THSD7B: variants seen among roughly 807,000 people sequenced by gnomAD.
THSD7B encodes thrombospondin type 1 domain containing 7B, also known as thrombospondin type-1 domain-containing protein 7B.
A neutral mutation model predicts 213.6 loss-of-function variants in THSD7B; 138 were observed. The ratio of observed to expected loss-of-function variants is 0.65; its 90% CI spans 0.56 to 0.74. THSD7B has a LOEUF of 0.74. THSD7B is among the 30% of genes least tolerant of loss of function. The pLI is 0.00. For synonymous variants in THSD7B, 742 were observed against 687.0 expected (o/e 1.08, Z -1.25); for missense variants, 1,931 against 1,991.5 (o/e 0.97, Z 0.58).
At chr2:137,431,376 G>C (rs917632368) in intron 14 of THSD7B, among the ~76,000 whole-genome samples, 1 of 152,192 alleles carries the variant, frequency 6.6e-6, no homozygotes, top group Admixed American at 6.5e-5. Flanking sequence ...TATAGTGGCT[G>C]CCCTTAAAGA....
In THSD7B at chr2:137,085,525, T is replaced by C. The variant is rs4014648; in HGVS notation, c.951-9348T>C. Among the ~76,000 whole-genome samples, 137 of 152,054 alleles carry C rather than the reference T, an allele frequency of 9.0e-4. 2 individuals are homozygous for C. In the East Asian group the frequency reaches 0.023, roughly 26 times the overall value. ...TAAGAAATGAACATTAAAAATCTAA[T>C]TGCAAAATAAGTTAAAAATTAATAA... is the stretch of plus-strand genomic sequence containing the variant. On this transcript the variant is annotated intron_variant, in intron 3 of 27. Coordinates refer to ENST00000409968, the MANE Select transcript of THSD7B (RefSeq NM_001316349.2).
rs571295478 is a variant in THSD7B, at chr2:137,378,311, G to A, written c.2501-27302G>A. On this transcript the variant is annotated intron_variant, in intron 12 of 27. Transcript: ENST00000409968. ...TTTGTAGAAGGAAAGACTTAAAGAG[G>A]CAATCTAAAAGGAAGGAGTGGCTAA... Among the ~76,000 whole-genome samples, 43 of 152,254 alleles carry A rather than the reference G, an allele frequency of 2.8e-4. No individual in the cohort carries two copies. In the East Asian group the frequency reaches 8.3e-3, roughly 29 times the overall value.
At chr2:136,852,549 CA>C (rs1248245563) in intron 1 of THSD7B, among the ~76,000 whole-genome samples, 2 of 152,124 alleles carry the variant, frequency 1.3e-5, no homozygotes, top group Non-Finnish European at 1.5e-5. Context: ...ACTTGACCTA[CA>C]AAAATTGTTA....
At chr2:137,462,391 A>G (rs971066764) in intron 15 of THSD7B, among the ~76,000 whole-genome samples, 1 of 152,074 alleles carries the variant, frequency 6.6e-6, no homozygotes, top group African/African-American at 2.4e-5. Flanking sequence ...TTTTGAAGAC[A>G]CTTGCTGTGT....
In THSD7B at chr2:137,234,527, A is replaced by T. The variant is rs767902301; in HGVS notation, c.2150+1394A>T. 3.9e-5 allele frequency among the ~76,000 whole-genome samples: 6 copies of T among 152,228 alleles called. No homozygotes were observed. In the South Asian group the frequency reaches 1.2e-3, roughly 32 times the overall value. On this transcript the variant is annotated intron_variant, in intron 9 of 27. Coordinates refer to ENST00000409968, the MANE Select transcript of THSD7B (RefSeq NM_001316349.2). Reference sequence around the variant, plus strand: ...GCTGGTGGTTTTGCAAATACACATGAAGATGTGTATTTGCAAGTCGTACTG... The same window carrying T: ...GCTGGTGGTTTTGCAAATACACATGTAGATGTGTATTTGCAAGTCGTACTG...
chr2:137,162,186 A>C (rs1680032366), intron 6 of THSD7B, among the ~76,000 whole-genome samples: 1 of 152,176 alleles, frequency 6.6e-6, no homozygotes, highest in African/African-American at 2.4e-5. Context: ...TAAACAGGCC[A>C]ATGGGTCTCC....
At chr2:137,156,798 A>G (rs1343382473) in intron 5 of THSD7B, among the ~76,000 whole-genome samples, 1 of 152,106 alleles carries the variant, frequency 6.6e-6, no homozygotes, top group Non-Finnish European at 1.5e-5. Flanking sequence ...GTGCTTGCCT[A>G]CTGTGTGCCT....
chr2:137,370,944 T>C (rs573919478), intron 12 of THSD7B, among the ~76,000 whole-genome samples: 3 of 151,534 alleles, frequency 2.0e-5, no homozygotes. Context: ...TATGATAATC[T>C]TTTTTTTTCA....
chr2:137,014,061 C>A (rs1187368317), intron 2 of THSD7B, among the ~76,000 whole-genome samples: 1 of 152,162 alleles, frequency 6.6e-6, no homozygotes, highest in Non-Finnish European at 1.5e-5. Flanking sequence ...GCCCTGCCAT[C>A]AGGTGGTGTG....
rs149786022 is a variant in THSD7B at position 136,946,991 on chromosome 2, C to T, written c.139+64674C>T. 1.7e-3 allele frequency among the ~76,000 whole-genome samples: 264 copies of T among 152,312 alleles called. 4 individuals are homozygous for T. In the East Asian group the frequency reaches 0.046, roughly 26 times the overall value. The stretch of plus-strand genomic sequence containing the variant: ...TCGGCTCACCCTCCATGGGCTGCAC[C>T]CACTGTCCAACCAGTCCCAGTGAGA... On this transcript the variant is annotated intron_variant, in intron 2 of 27. Coordinates refer to ENST00000409968, the MANE Select transcript of THSD7B (RefSeq NM_001316349.2).
chr2:137,552,751 T>C (rs1301773125), intron 15 of THSD7B, among the ~76,000 whole-genome samples: 1 of 152,242 alleles, frequency 6.6e-6, no homozygotes, highest in Non-Finnish European at 1.5e-5. Flanking sequence ...TGTGTAAGTG[T>C]GATCCTTTCC....
chr2:137,158,188 TG>T (rs1278339045), intron 5 of THSD7B, among the ~76,000 whole-genome samples: 6 of 152,230 alleles, frequency 3.9e-5, no homozygotes, highest in African/African-American at 1.4e-4. Flanking sequence ...ATGACTGTCT[TG>T]TGTGTGTCTT....
At chr2:136,829,468 T>A (rs1055442853) in intron 1 of THSD7B, among the ~76,000 whole-genome samples, 3 of 152,066 alleles carry the variant, frequency 2.0e-5, no homozygotes, top group Admixed American at 6.5e-5. Context: ...ACCTTTCAGA[T>A]TAGGAAACTG....
intron 2 of THSD7B, among the ~76,000 whole-genome samples, chr2:137,001,835 C>T (rs1686005323): frequency 6.6e-6 from 1 of 152,134 alleles, no homozygotes; most frequent in South Asian, 2.1e-4. Flanking sequence ...AGCTGTTTTT[C>T]TACTTTTCTG....
rs184432870 is a variant in THSD7B at position 137,294,123 on chromosome 2, C to T, written c.2500+18097C>T. Among the ~76,000 whole-genome samples, 79 of 152,076 alleles carry T rather than the reference C, an allele frequency of 5.2e-4. 1 individual carries two copies. Among genetic ancestry groups the T allele is most frequent in the Middle Eastern group, 3.4e-3 (1 of 292 alleles). Reference sequence around the variant, plus strand: ...ATCCTTCTTTCATTCTTTTTAAGTGCTAACTTGTAATCATTGGTTAACTCG... The same window carrying T: ...ATCCTTCTTTCATTCTTTTTAAGTGTTAACTTGTAATCATTGGTTAACTCG... On this transcript the variant is annotated intron_variant, in intron 12 of 27. Transcript: ENST00000409968.
Position 137,095,139 on chromosome 2 carries a change from C to T in THSD7B, c.1199+18C>T. ...TGTCCCAGGTATTACGCCTTTATGC[C>T]TTCTTTAGTGTGAAGGAGGCATAAT... is the stretch of plus-strand genomic sequence containing the variant. On this transcript the variant is annotated intron_variant, in intron 4 of 27. Transcript: ENST00000409968. 1 of 1,611,166 alleles carries T rather than the reference C, an allele frequency of 6.2e-7. No individual in the cohort carries two copies. The highest frequency in any genetic ancestry group is 8.5e-7 in the Non-Finnish European group (1 of 1,177,880).
At chr2:136,938,203 G>A (rs569678999) in intron 2 of THSD7B, among the ~76,000 whole-genome samples, 1 of 152,220 alleles carries the variant, frequency 6.6e-6, no homozygotes, top group Admixed American at 6.5e-5. Flanking sequence ...GGAGCAAAGT[G>A]CCCATCCTTT....
intron 2 of THSD7B, among the ~76,000 whole-genome samples, chr2:136,930,496 C>T (rs1684608737): frequency 6.6e-6 from 1 of 152,112 alleles, no homozygotes; most frequent in Admixed American, 6.6e-5. Flanking sequence ...CTATGACAGG[C>T]CATACAAAAC....
intron 2 of THSD7B, among the ~76,000 whole-genome samples, chr2:136,890,437 TTC>T (rs373592858): frequency 0.12 from 381 of 3,222 alleles, 134 homozygotes; most frequent in South Asian, 0.28. Flanking sequence ...CTTCTTCTTC[TTC>T]TTCTTCTTCT....
Sources: allele counts gnomAD v4.1 joint callset (sites outside exome capture counted in the v4.1 genomes callset), GRCh38; gene constraint gnomAD v4.1.1; transcripts MANE v1.5; gene names NCBI Gene and HGNC (gene_info 2026-07-23, HGNC 2026-07-21).